Variants in IPO8 observed in about 807,000 individuals in gnomAD.
IPO8 encodes importin 8, also known as importin-8.
Under a neutral mutation model 141.2 loss-of-function variants are expected in IPO8, and 65 were observed. The ratio of observed to expected loss-of-function variants is 0.46; its 90% CI spans 0.38 to 0.57. The LOEUF (loss-of-function observed/expected upper bound fraction) is 0.57. Among genes scored for constraint, IPO8 ranks in the 20% least tolerant of loss-of-function variants. The pLI, the probability that IPO8 is intolerant of heterozygous loss-of-function variation, is 0.00. For synonymous variants in IPO8, 411 were observed against 420.3 expected (o/e 0.98, Z 0.27); for missense variants, 980 against 1,246.8 (o/e 0.79, Z 3.22).
rs1405229377 is a variant in IPO8, at chr12:30,649,247, A to T, written c.2173-15T>A. ...CCACATAGTACCTGCAGTAATTACA[A>T]TTTAGCTCAGCAGTAAGTGGCACTG... On this transcript the variant is annotated splice_polypyrimidine_tract_variant and intron_variant, in intron 19 of 24. Coordinates refer to ENST00000256079, the MANE Select transcript of IPO8 (RefSeq NM_006390.4). 6.3e-7 allele frequency: 1 copy of T among 1,593,102 alleles called. No homozygotes were observed. The highest frequency in any genetic ancestry group is 1.1e-5 in the South Asian group (1 of 90,434).
intron 21 of IPO8, among the ~76,000 whole-genome samples, chr12:30,637,534 G>T (rs2052519465): frequency 6.6e-6 from 1 of 152,090 alleles, no homozygotes; most frequent in Non-Finnish European, 1.5e-5. Flanking sequence ...AATGGTTGGG[G>T]GGAATGAAGA....
Position 30,649,161 on chromosome 12 carries a change from C to T in IPO8, c.2244G>A (p.Gln748=), listed in dbSNP as rs1320766601. The T allele has an allele frequency of 6.2e-7, 1 of 1,613,036 alleles. No homozygotes were observed. The highest frequency in any genetic ancestry group is 1.1e-5 in the South Asian group (1 of 91,036). ...CCTGATCAATTCCCCTTCCTTTGCA[C>T]TGAAGAATGATGACTTCCAGAAGTT... The part of the protein sequence containing the change: ...AAKLLEVIIL[Q]CKGRGIDQCI... Residue 748 remains glutamine (Q), a synonymous_variant, in exon 20 of 25, where the codon CAG becomes CAA. Coordinates refer to ENST00000256079, the MANE Select transcript of IPO8 (RefSeq NM_006390.4).
rs1415385604 is a variant in IPO8, at chr12:30,695,808, ACTCCGCGCCCCCTGTC to A, written c.-177_-162del. 1.8e-6 allele frequency: 1 copy of A among 548,676 alleles called. No homozygotes were observed. The highest frequency in any genetic ancestry group is 2.3e-5 in the African/African-American group (1 of 44,270). The allele number at this position is 548,676 out of a possible 1,614,324, so 34.0% of individuals were successfully genotyped here. On this transcript the variant is annotated 5_prime_UTR_variant, in exon 1 of 25. An upstream open reading frame in the 5' UTR gains an earlier in-frame stop. Coordinates refer to ENST00000256079, the MANE Select transcript of IPO8 (RefSeq NM_006390.4). This position sits in a 1 kb window ranked among gnomAD's most constrained non-coding sequence, Gnocchi z 4.2. ...TGCGGCCACTTGCTGCGCCACTCTG[ACTCCGCGCCCCCTGTC>A]CTCCCTTTTTCCCCCCCACAACTCG...
At chr12:30,659,836 CTGAG>C (rs1388217669) in intron 16 of IPO8, among the ~76,000 whole-genome samples, 1 of 144,554 alleles carries the variant, frequency 6.9e-6, no homozygotes, top group African/African-American at 2.6e-5. Flanking sequence ...GCCTGGGTGA[CTGAG>C]TGAGATTCTG....
At chr12:30,637,259 A>G (rs2052516038) in intron 21 of IPO8, 72 bp from the exon 22 acceptor site, 1 of 1,141,832 alleles carries the variant, frequency 8.8e-7, no homozygotes, top group Non-Finnish European at 1.3e-6. Context: ...GAGAAACTAC[A>G]AAAAGAAATG....
chr12:30,695,098 T>G lies in IPO8; in HGVS notation c.84+466A>C. 4 of 447,228 alleles carry G rather than the reference T, an allele frequency of 8.9e-6. No homozygotes were observed. The highest frequency in any genetic ancestry group is 6.4e-5 in the South Asian group (4 of 62,680). The allele number at this position is 447,228 out of a possible 1,614,324, so 27.7% of individuals were successfully genotyped here. A position where few individuals can be genotyped will look rare whatever the true frequency, so the allele number is the denominator to read the frequency against. Reference sequence around the variant, plus strand: ...CGGCCAATCGGTGTCAAAACAGTCCTGCCAACCCGACAGGAGGAGGCGGTG... The same window carrying G: ...CGGCCAATCGGTGTCAAAACAGTCCGGCCAACCCGACAGGAGGAGGCGGTG... On this transcript the variant is annotated intron_variant, in intron 1 of 24. Transcript: ENST00000256079. The surrounding 1 kb of genome is among the most constrained non-coding windows in gnomAD (Gnocchi z 4.2).
Position 30,652,259 on chromosome 12 carries a change from G to T in IPO8, c.2105C>A (p.Thr702Lys). 1 of 1,602,872 alleles carries T rather than the reference G, an allele frequency of 6.2e-7. No individual in the cohort carries two copies. The change falls in exon 19 of 25, where the codon ACA becomes AAA. Residue 702 changes from threonine to lysine, a missense_variant. By Grantham distance (78) the Thr-to-Lys change is moderately conservative (BLOSUM62 -1). Transcript: ENST00000256079. ...TGATAGTAAGGTATCTGTATCTATT[G>T]TCACATAATTATGCAGGAGAGGCAT... The part of the protein sequence containing the change: ...DMMPLLHNYV[T>K]IDTDTLLSNA...
chr12:30,674,723 G>T lies in IPO8; in HGVS notation c.760C>A (p.Pro254Thr). Residue 254 changes from proline (P) to threonine (T), a missense_variant, in exon 7 of 25, where the codon CCA becomes ACA. Coordinates refer to ENST00000256079, the MANE Select transcript of IPO8 (RefSeq NM_006390.4). ...ETLHIDEDDRPELVWWKCKKW... is the reference protein window; with the variant it reads ...ETLHIDEDDRTELVWWKCKKW... ...TTACACTTCCACCATACCAGTTCTGGTCTATCATCCTCATCAATGTGCAGA... is the reference window on the plus strand; with the variant it reads ...TTACACTTCCACCATACCAGTTCTGTTCTATCATCCTCATCAATGTGCAGA... 6.2e-7 allele frequency: 1 copy of T among 1,613,338 alleles called. No homozygotes were observed. Among genetic ancestry groups the T allele is most frequent in the Non-Finnish European group, 8.5e-7 (1 of 1,179,544 alleles).
intron 16 of IPO8, among the ~76,000 whole-genome samples, chr12:30,657,858 T>A (rs1243469195): frequency 6.6e-6 from 1 of 152,094 alleles, no homozygotes; most frequent in Non-Finnish European, 1.5e-5. Flanking sequence ...CACTTTTTGC[T>A]TATATGTTAA....
intron 19 of IPO8, among the ~76,000 whole-genome samples, chr12:30,651,957 A>C (rs1287211666): frequency 1.3e-5 from 2 of 152,078 alleles, no homozygotes; most frequent in East Asian, 3.8e-4. Context: ...TGTCCAAAAG[A>C]AAAAACAAAA....
chr12:30,644,429 G>C (rs1050744982), intron 20 of IPO8, among the ~76,000 whole-genome samples: 2 of 101,190 alleles, frequency 2.0e-5, no homozygotes, highest in Middle Eastern at 4.7e-3. Context: ...TTTTAGAAAG[G>C]TCATAATTTT....
Position 30,695,755 on chromosome 12 carries a change from C to T in IPO8, c.-108G>A. ...CTTCCGCGACCCCTGGATTACCTCA[C>T]ACCCCACCCCCCGCCACCGTCGCCA... is the stretch of plus-strand genomic sequence containing the variant. On this transcript the variant is annotated 5_prime_UTR_variant, in exon 1 of 25. In the 5' UTR this introduces an upstream ATG that the reference lacks. Transcript: ENST00000256079. This position sits in a 1 kb window ranked among gnomAD's most constrained non-coding sequence, Gnocchi z 4.2. 12 of 990,610 alleles carry T rather than the reference C, an allele frequency of 1.2e-5. No homozygotes were observed. Among genetic ancestry groups the T allele is most frequent in the Non-Finnish European group, 1.8e-5 (12 of 672,600 alleles). 61.4% of individuals were successfully genotyped at this position (990,610 alleles called of 1,614,324 possible).
Position 30,695,558 on chromosome 12 carries a change from C to T in IPO8, c.84+6G>A. 6.2e-7 allele frequency: 1 copy of T among 1,613,562 alleles called. No homozygotes were observed. Among genetic ancestry groups the T allele is most frequent in the African/African-American group, 1.3e-5 (1 of 75,018 alleles). ...GGAAGAGGGTCGCCGAAGACCCTCT[C>T]CTCACCTGGTTGAGCTCGTTCTCGG... On this transcript the variant is annotated splice_donor_region_variant and intron_variant, in intron 1 of 24. Transcript: ENST00000256079. This position sits in a 1 kb window ranked among gnomAD's most constrained non-coding sequence, Gnocchi z 4.2.
Position 30,630,741 on chromosome 12 carries a change from G to T in IPO8, c.*119C>A. Reference sequence around the variant, plus strand: ...ATAAAAGTGCTGCCTAATGCCAGATGGTAACTGGCACAGCAGGAGGGCCCT... The same window carrying T: ...ATAAAAGTGCTGCCTAATGCCAGATTGTAACTGGCACAGCAGGAGGGCCCT... On this transcript the variant is annotated 3_prime_UTR_variant, in exon 25 of 25. Transcript: ENST00000256079. 1.4e-6 allele frequency: 1 copy of T among 723,628 alleles called. No homozygotes were observed. Among genetic ancestry groups the T allele is most frequent in the Non-Finnish European group, 2.4e-6 (1 of 420,992 alleles). The allele number at this position is 723,628 out of a possible 1,614,324, so 44.8% of individuals were successfully genotyped here.
At chr12:30,644,745 T>C (rs1305346827) in intron 20 of IPO8, among the ~76,000 whole-genome samples, 1 of 151,346 alleles carries the variant, frequency 6.6e-6, no homozygotes, top group Non-Finnish European at 1.5e-5. Context: ...CCTCCGCCTC[T>C]GGGTTCAAGT....
chr12:30,665,660 C>T (rs2052952473), intron 12 of IPO8, 69 bp downstream of exon 12: 1 of 980,690 alleles, frequency 1.0e-6, no homozygotes, highest in African/African-American at 1.6e-5. Context: ...TTAGCCATAA[C>T]TTTCATATTC....
At chr12:30,658,371 T>C (rs1345528189) in intron 16 of IPO8, among the ~76,000 whole-genome samples, 1 of 152,238 alleles carries the variant, frequency 6.6e-6, no homozygotes, top group Non-Finnish European at 1.5e-5. Flanking sequence ...AGATTCCGGT[T>C]GGTTTTGCCT....
chr12:30,657,162 T>C (rs2052811474), intron 16 of IPO8, among the ~76,000 whole-genome samples: 1 of 152,004 alleles, frequency 6.6e-6, no homozygotes, highest in African/African-American at 2.4e-5. Flanking sequence ...GCATGGGGCA[T>C]GGGGAAGTAA....
intron 3 of IPO8, among the ~76,000 whole-genome samples, chr12:30,683,111 A>T: frequency 6.6e-6 from 1 of 152,162 alleles, no homozygotes; most frequent in East Asian, 1.9e-4. Flanking sequence ...ATGGTTATGA[A>T]AGGCCATCCT....
Sources: allele counts gnomAD v4.1 joint callset (sites outside exome capture counted in the v4.1 genomes callset), GRCh38; gene constraint gnomAD v4.1.1; non-coding constraint Gnocchi (gnomAD v3.1); transcripts MANE v1.5; gene names NCBI Gene and HGNC (gene_info 2026-07-23, HGNC 2026-07-21).